CPVL: variants seen among roughly 807,000 people sequenced by gnomAD.
The protein encoded by CPVL is probable serine carboxypeptidase CPVL.
Under a neutral mutation model 63.7 loss-of-function variants are expected in CPVL, and 51 were observed. The observed-to-expected ratio is 0.80, with a 90% CI of 0.64 to 1.01. The LOEUF (loss-of-function observed/expected upper bound fraction) is 1.01. CPVL is among the 50% of genes least tolerant of loss of function. The pLI, the probability that CPVL is intolerant of heterozygous loss-of-function variation, is 0.00. For synonymous variants in CPVL, 195 were observed against 206.0 expected (o/e 0.95, Z 0.46); for missense variants, 530 against 573.1 (o/e 0.92, Z 0.77).
intron 12 of CPVL, among the ~76,000 whole-genome samples, chr7:28,998,444 G>C (rs1169258966): frequency 6.6e-6 from 1 of 152,194 alleles, no homozygotes; most frequent in Non-Finnish European, 1.5e-5. Flanking sequence ...AAGAGGCACT[G>C]CACGTTGTGT....
chr7:29,187,870 T>A (rs1798909032), intron 1 of CPVL, among the ~76,000 whole-genome samples: 1 of 152,238 alleles, frequency 6.6e-6, no homozygotes, highest in African/African-American at 2.4e-5. Flanking sequence ...GGGCATACAT[T>A]CATTTACATA....
intron 11 of CPVL, among the ~76,000 whole-genome samples, chr7:29,059,052 T>C (rs542994300): frequency 1.3e-5 from 2 of 152,286 alleles, no homozygotes; most frequent in East Asian, 1.9e-4. Context: ...TGTTACATCT[T>C]TTGTAGTTGT....
At chr7:29,003,154 G>A (rs77024313) in intron 12 of CPVL, among the ~76,000 whole-genome samples, 24 of 123,788 alleles carry the variant, frequency 1.9e-4, no homozygotes, top group Admixed American at 1.1e-3. Flanking sequence ...ATGTGTATGT[G>A]CACACACACA....
chr7:29,142,474 A>C (rs1433809457), intron 1 of CPVL, among the ~76,000 whole-genome samples: 1 of 151,602 alleles, frequency 6.6e-6, no homozygotes, highest in Admixed American at 6.6e-5. Flanking sequence ...CACTGACTCT[A>C]TAACAGGACG....
intron 11 of CPVL, among the ~76,000 whole-genome samples, chr7:29,053,434 T>C (rs1790398035): frequency 6.6e-6 from 1 of 152,140 alleles, no homozygotes; most frequent in Admixed American, 6.5e-5. Flanking sequence ...GAACATGCTA[T>C]AACATGTATG....
intron 1 of CPVL, among the ~76,000 whole-genome samples, chr7:29,132,350 G>A (rs1463991353): frequency 6.6e-6 from 1 of 152,144 alleles, no homozygotes; most frequent in East Asian, 1.9e-4. Flanking sequence ...TTAGGGCACT[G>A]CTTCTTCCCA....
intron 12 of CPVL, chr7:29,012,155 C>T (rs1785914229): frequency 6.7e-6 from 1 of 149,886 alleles, no homozygotes; most frequent in South Asian, 2.1e-4. Flanking sequence ...TATAATAAGA[C>T]TTCACAGTCT....
At chr7:29,172,616 T>C (rs1421369785) in intron 5 of CPVL, among the ~76,000 whole-genome samples, 1 of 152,212 alleles carries the variant, frequency 6.6e-6, no homozygotes, top group African/African-American at 2.4e-5. Flanking sequence ...TAAGAAAAGC[T>C]TAGTAAAGTC....
chr7:29,163,447 A>G (rs1193521709), intron 5 of CPVL, among the ~76,000 whole-genome samples: 5 of 152,282 alleles, frequency 3.3e-5, no homozygotes, highest in East Asian at 1.9e-4. Flanking sequence ...TTATATTTCT[A>G]TTTCCTGCTC....
intron 12 of CPVL, among the ~76,000 whole-genome samples, chr7:29,007,176 T>C (rs1453516333): frequency 6.6e-6 from 1 of 152,232 alleles, no homozygotes; most frequent in Non-Finnish European, 1.5e-5. Flanking sequence ...TTACGCATTG[T>C]TGCCTAGCTG....
chr7:29,152,256 GC>G (rs1793697512), intron 5 of CPVL, among the ~76,000 whole-genome samples: 1 of 152,158 alleles, frequency 6.6e-6, no homozygotes, highest in South Asian at 2.1e-4. Context: ...TTTATGCGTG[GC>G]AGCTCAGGCT....
At chr7:29,150,033 C>T (rs886463080), upstream of CPVL, among the ~76,000 whole-genome samples, 4 of 152,192 alleles carry the variant, frequency 2.6e-5, no homozygotes, top group Admixed American at 6.5e-5. Flanking sequence ...GCCAACAAAT[C>T]GGTTTGCAAA....
chr7:29,039,549 A>G (rs550954823), intron 11 of CPVL, among the ~76,000 whole-genome samples: 1 of 152,340 alleles, frequency 6.6e-6, no homozygotes, highest in African/African-American at 2.4e-5. Context: ...AGAAATGTAT[A>G]TAAGTGTGCA....
intron 6 of CPVL, among the ~76,000 whole-genome samples, chr7:29,088,588 A>G (rs1449585298): frequency 2.0e-5 from 3 of 152,206 alleles, no homozygotes; most frequent in African/African-American, 7.2e-5. Context: ...ACTGTATTTT[A>G]GTCAAGAACT....
intron 12 of CPVL, among the ~76,000 whole-genome samples, chr7:29,003,559 T>C (rs1784876048): frequency 6.6e-6 from 1 of 152,214 alleles, no homozygotes; most frequent in African/African-American, 2.4e-5. Flanking sequence ...AATTTACATA[T>C]GTGAACACAA....
chr7:29,066,085 C>T lies in CPVL; in HGVS notation c.901G>A (p.Asp301Asn). ...DKLLDGDLTS[D>N]PSYFQNVTGC... The stretch of plus-strand genomic sequence containing the variant: ...GTAACATTCTGGAAGTAAGAAGGAT[C>T]ACTTGTTAAGTCGCCATCTAGTAGT... Residue 301 changes from aspartate to asparagine, a missense_variant, in exon 10 of 13, where the codon GAT becomes AAT. Transcript: ENST00000265394. 3.1e-6 allele frequency: 5 copies of T among 1,606,808 alleles called. No homozygotes were observed. Among genetic ancestry groups the T allele is most frequent in the Non-Finnish European group, 4.3e-6 (5 of 1,175,436 alleles).
intron 1 of CPVL, among the ~76,000 whole-genome samples, chr7:29,133,218 T>C (rs1047315222): frequency 6.6e-6 from 1 of 151,118 alleles, no homozygotes; most frequent in Non-Finnish European, 1.5e-5. Flanking sequence ...CAAAAAACGC[T>C]GTTTTCTTTC....
At chr7:29,190,008 G>T (rs561579165) in intron 1 of CPVL, among the ~76,000 whole-genome samples, 34 of 152,364 alleles carry the variant, frequency 2.2e-4, no homozygotes, top group Admixed American at 6.5e-4. Flanking sequence ...GCCGCTACCT[G>T]CGGCGTCTGA....
intron 12 of CPVL, among the ~76,000 whole-genome samples, chr7:29,022,358 C>G (rs1423642766): frequency 7.9e-5 from 12 of 152,240 alleles, no homozygotes; most frequent in Admixed American, 7.9e-4. Flanking sequence ...CCCCCACTGC[C>G]ACTGGTGCCC....
Sources: allele counts gnomAD v4.1 joint callset (sites outside exome capture counted in the v4.1 genomes callset), GRCh38; gene constraint gnomAD v4.1.1; transcripts MANE v1.5; gene names NCBI Gene and HGNC (gene_info 2026-07-23, HGNC 2026-07-21).